The following ZNF423 variants were observed in gnomAD, a reference collection of about 807,000 sequenced individuals.
ZNF423 encodes Ebf-associated zinc finger protein.
ZNF423 carries 12 observed loss-of-function variants against 95.8 expected under a neutral mutation model. That is an observed-to-expected ratio of 0.13 (90% CI 0.08 to 0.20). The LOEUF is 0.20. Among genes scored for constraint, ZNF423 ranks in the 10% least tolerant of loss-of-function variants. The pLI is 1.00. For synonymous variants in ZNF423, 749 were observed against 711.9 expected, an observed-to-expected ratio of 1.05 and a Z score of -0.83; for missense variants, 1,316 against 1,737.1, an observed-to-expected ratio of 0.76 and a Z score of 4.31.
chr16:49,548,511 G>A (rs750814483), intron 5 of ZNF423, among the ~76,000 whole-genome samples: 2 of 151,050 alleles, frequency 1.3e-5, no homozygotes, highest in East Asian at 1.9e-4. Context: ...TTATGTTGCC[G>A]TTAAAAAAAA....
At chr16:49,816,655 G>A (rs1384967154) in intron 1 of ZNF423, among the ~76,000 whole-genome samples, 2 of 152,096 alleles carry the variant, frequency 1.3e-5, no homozygotes, top group Admixed American at 1.3e-4. Context: ...ATGGTGGCAC[G>A]CACCTGTAGT....
chr16:49,765,923 C>T (rs938239798), intron 2 of ZNF423, among the ~76,000 whole-genome samples: 5 of 151,898 alleles, frequency 3.3e-5, no homozygotes, highest in East Asian at 1.9e-4. Flanking sequence ...AGGGCCTAGG[C>T]GACGGGGAAT....
chr16:49,626,015 C>T (rs1205616238), intron 5 of ZNF423, among the ~76,000 whole-genome samples, 155 bp downstream of exon 5: 5 of 152,138 alleles, frequency 3.3e-5, no homozygotes, highest in Non-Finnish European at 5.9e-5. Context: ...GAAAGGGCCC[C>T]CATTCTGACA....
intron 1 of ZNF423, chr16:49,822,773 C>A: frequency 1.3e-6 from 2 of 1,551,140 alleles, no homozygotes; most frequent in Admixed American, 1.8e-5. Context: ...TTATTGCAGG[C>A]TAGTAAGCAT....
At position 49,492,140 on chromosome 16, in the gene ZNF423, T is replaced by C. The variant is rs577270146; in HGVS notation, c.3850-836A>G. ...GGAGCCAGCGGCCTGGGACTGGGGG[T>C]GGGATTTGGCATCTGAAAGCCGTCT... On this transcript the variant is annotated intron_variant, in intron 7 of 7. Transcript: ENST00000563137. The surrounding 1 kb of genome is among the most constrained non-coding windows in gnomAD (Gnocchi z 4.2). Among the ~76,000 whole-genome samples the C allele has an allele frequency of 1.3e-5, 2 of 151,766 alleles. No individual in the cohort carries two copies. The highest frequency in any genetic ancestry group is 1.3e-4 in the Admixed American group (2 of 15,260).
At chr16:49,593,147 A>C (rs993917546) in intron 5 of ZNF423, among the ~76,000 whole-genome samples, 2 of 152,206 alleles carry the variant, frequency 1.3e-5, no homozygotes, top group African/African-American at 4.8e-5. Flanking sequence ...TCCCCACCCC[A>C]AAGAGCCAAA....
At chr16:49,772,881 A>T (rs1161660216) in intron 2 of ZNF423, among the ~76,000 whole-genome samples, 2 of 152,214 alleles carry the variant, frequency 1.3e-5, no homozygotes, top group African/African-American at 4.8e-5. Context: ...ATAAAGAAAG[A>T]GGTTTATTGA....
upstream of ZNF423, among the ~76,000 whole-genome samples, chr16:49,857,521 C>T (rs567000968): frequency 6.6e-6 from 1 of 152,280 alleles, no homozygotes; most frequent in South Asian, 2.1e-4. This position sits in a 1 kb window ranked among gnomAD's most constrained non-coding sequence, Gnocchi z 6.2. Flanking sequence ...CTAGTATTGC[C>T]ACCTCGCGAT....
At chr16:49,710,576 C>A (rs987552794) in intron 3 of ZNF423, among the ~76,000 whole-genome samples, 2 of 152,212 alleles carry the variant, frequency 1.3e-5, no homozygotes, top group Non-Finnish European at 2.9e-5. Flanking sequence ...TCCTCTCCAT[C>A]CCCGGCATCC....
At chr16:49,537,327 C>T (rs1345928530) in intron 5 of ZNF423, among the ~76,000 whole-genome samples, 1 of 152,186 alleles carries the variant, frequency 6.6e-6, no homozygotes, top group Non-Finnish European at 1.5e-5. Context: ...CCGGCTGAGC[C>T]CTGTGGCTCA....
intron 5 of ZNF423, among the ~76,000 whole-genome samples, chr16:49,557,167 G>A (rs181319573): frequency 3.9e-5 from 6 of 152,314 alleles, no homozygotes; most frequent in African/African-American, 9.6e-5. Flanking sequence ...CGTGCAGGGC[G>A]GCAGAGGGGC....
chr16:49,702,250 A>G (rs573773755), intron 3 of ZNF423, among the ~76,000 whole-genome samples: 40 of 152,304 alleles, frequency 2.6e-4, no homozygotes, highest in African/African-American at 8.9e-4. Context: ...AGACGCTCAC[A>G]CTGCCAGCGA....
intron 5 of ZNF423, among the ~76,000 whole-genome samples, chr16:49,612,409 TAAAA>T (rs35731470): frequency 1.6e-5 from 2 of 128,966 alleles, no homozygotes; most frequent in South Asian, 2.4e-4. Flanking sequence ...ATAGGTACAG[TAAAA>T]AAAAAAAAAA....
chr16:49,736,685 C>T (rs540425754), intron 2 of ZNF423, among the ~76,000 whole-genome samples: 1 of 152,306 alleles, frequency 6.6e-6, no homozygotes, highest in South Asian at 2.1e-4. Context: ...GTCCTAGCTA[C>T]TTGAGAGGCT....
chr16:49,850,084 C>T (rs367986999), intron 1 of ZNF423, among the ~76,000 whole-genome samples: 3 of 152,362 alleles, frequency 2.0e-5, no homozygotes, highest in Non-Finnish European at 1.5e-5. Context: ...GAGCAATCAG[C>T]TAATTGGCGC....
At position 49,730,965 on chromosome 16, in the gene ZNF423, A is replaced by G. The variant is rs2033152797; in HGVS notation, c.107T>C (p.Leu36Pro). 6.2e-7 allele frequency: 1 copy of G among 1,614,020 alleles called. No homozygotes were observed. The highest frequency in any genetic ancestry group is 8.5e-7 in the Non-Finnish European group (1 of 1,180,030). The change falls in exon 3 of 8, where the codon CTA (leucine) becomes CCA (proline). Residue 36 changes from leucine to proline, a missense_variant. Leu to Pro is a moderately conservative substitution (Grantham distance 98). Transcript: ENST00000563137. The part of the protein sequence containing the change: ...WDSSVTAAGG[L>P]EGEPECDQKT... ...CTGATCGCACTCTGGCTCTCCTTCTAGGCCTCCTGCCAACAGGAAGAATAC... is the reference window on the plus strand; with the variant it reads ...CTGATCGCACTCTGGCTCTCCTTCTGGGCCTCCTGCCAACAGGAAGAATAC...
At chr16:49,720,815 T>G (rs762388396) in intron 3 of ZNF423, among the ~76,000 whole-genome samples, 1 of 152,172 alleles carries the variant, frequency 6.6e-6, no homozygotes, top group Non-Finnish European at 1.5e-5. Context: ...GGGGAGCCCC[T>G]CCCCAGCTCT....
At chr16:49,568,133 T>C (rs1200093459) in intron 5 of ZNF423, among the ~76,000 whole-genome samples, 1 of 152,116 alleles carries the variant, frequency 6.6e-6, no homozygotes, top group Non-Finnish European at 1.5e-5. Flanking sequence ...GTGTATGCCA[T>C]GCCTCTGGAT....
intron 1 of ZNF423, among the ~76,000 whole-genome samples, chr16:49,800,584 A>G (rs2034568182): frequency 6.6e-6 from 1 of 152,032 alleles, no homozygotes; most frequent in Non-Finnish European, 1.5e-5. Flanking sequence ...TGACACACAC[A>G]CACACACACA....
Sources: gnomAD v4.1 joint callset for allele counts (sites outside exome capture counted in the v4.1 genomes callset) on GRCh38, gnomAD v4.1.1 for gene constraint, Gnocchi (gnomAD v3.1) non-coding constraint, MANE v1.5 for transcripts, NCBI Gene and HGNC (gene_info 2026-07-23, HGNC 2026-07-21) for gene names.